The following WDR7 variants were observed in gnomAD, a reference collection of about 807,000 sequenced individuals.
WDR7 encodes the protein WD repeat-containing protein 7.
A neutral mutation model predicts 169.4 loss-of-function variants in WDR7; 46 were observed. The ratio of observed to expected loss-of-function variants is 0.27; its 90% CI spans 0.21 to 0.35. The LOEUF (loss-of-function observed/expected upper bound fraction) is 0.35, where lower values mean the gene tolerates loss of function less well. Among genes scored for constraint, WDR7 ranks in the 10% least tolerant of loss-of-function variants. The pLI is 1.00. For synonymous variants in WDR7, 612 were observed against 666.8 expected (o/e 0.92, Z 1.27); for missense variants, 1,534 against 1,859.3 (o/e 0.83, Z 3.22).
intron 12 of WDR7, chr18:56,700,013 C>A (rs987311404): frequency 2.4e-6 from 1 of 414,020 alleles, no homozygotes; most frequent in Non-Finnish European, 3.3e-6. Flanking sequence ...TAGAGATTAG[C>A]ATTAATTTAG....
At chr18:56,686,122 A>T in intron 6 of WDR7, 90 bp downstream of exon 6, 1 of 1,060,800 alleles carries the variant, frequency 9.4e-7, no homozygotes, top group Admixed American at 2.9e-5. Context: ...ATTTTTTTTA[A>T]GGGGGAAGGA....
At chr18:57,024,727 T>A (rs60729376) in intron 27 of WDR7, among the ~76,000 whole-genome samples, 4 of 144,160 alleles carry the variant, frequency 2.8e-5, no homozygotes, top group African/African-American at 8.2e-5. Context: ...GGATTTCACA[T>A]ATCCCTATTC....
At chr18:57,022,820 C>A (rs1450554101) in intron 27 of WDR7, among the ~76,000 whole-genome samples, 1 of 152,146 alleles carries the variant, frequency 6.6e-6, no homozygotes, top group Non-Finnish European at 1.5e-5. Context: ...TTTTGTCTTC[C>A]AGTTCCTCTC....
At chr18:56,784,473 CTG>C in intron 19 of WDR7, among the ~76,000 whole-genome samples, 1 of 152,260 alleles carries the variant, frequency 6.6e-6, no homozygotes, top group South Asian at 2.1e-4. Flanking sequence ...TTATATCACT[CTG>C]TGTGACTTTG....
intron 13 of WDR7, among the ~76,000 whole-genome samples, chr18:56,724,460 C>T (rs1454299833): frequency 6.6e-6 from 1 of 151,896 alleles, no homozygotes; most frequent in Non-Finnish European, 1.5e-5. Context: ...GATCCACCTG[C>T]CTTGGCCTCC....
intron 25 of WDR7, among the ~76,000 whole-genome samples, chr18:56,944,993 CATTG>C (rs1441203827): frequency 1.3e-5 from 2 of 152,102 alleles, no homozygotes; most frequent in Non-Finnish European, 2.9e-5. Context: ...TCTTATTCAT[CATTG>C]ATTATTTTTT....
At chr18:56,965,358 G>T (rs2047394199) in intron 26 of WDR7, among the ~76,000 whole-genome samples, 1 of 151,730 alleles carries the variant, frequency 6.6e-6, no homozygotes, top group Non-Finnish European at 1.5e-5. Flanking sequence ...TATGTCCCCT[G>T]TTGTCATTGT....
chr18:56,872,813 A>G (rs1177849952), intron 20 of WDR7: 2 of 152,174 alleles, frequency 1.3e-5, no homozygotes, highest in African/African-American at 4.8e-5. Context: ...GAAAAAAAAT[A>G]CCAAATTTTC....
chr18:56,695,653 C>A (rs1424329836), intron 11 of WDR7, among the ~76,000 whole-genome samples: 2 of 151,794 alleles, frequency 1.3e-5, no homozygotes, highest in Non-Finnish European at 2.9e-5. Flanking sequence ...TTCTCCTGCA[C>A]AGCCCCCCAA....
intron 14 of WDR7, among the ~76,000 whole-genome samples, chr18:56,751,142 T>TAAG (rs1406127969): frequency 6.6e-6 from 1 of 152,122 alleles, no homozygotes; most frequent in African/African-American, 2.4e-5. Flanking sequence ...TAAGAAGCTC[T>TAAG]AATAAGAGGA....
chr18:56,848,373 C>T (rs978921346), intron 20 of WDR7, among the ~76,000 whole-genome samples: 3 of 152,120 alleles, frequency 2.0e-5, no homozygotes, highest in African/African-American at 7.2e-5. Flanking sequence ...TTCACAGGCT[C>T]ATAGGTAGAA....
intron 20 of WDR7, among the ~76,000 whole-genome samples, chr18:56,826,494 A>G (rs2045206429): frequency 6.6e-6 from 1 of 152,216 alleles, no homozygotes; most frequent in African/African-American, 2.4e-5. Flanking sequence ...TCTTGGTTTC[A>G]AGTCACTTGC....
chr18:56,701,170 T>C (rs915023083), intron 12 of WDR7, among the ~76,000 whole-genome samples: 2 of 152,210 alleles, frequency 1.3e-5, no homozygotes, highest in African/African-American at 4.8e-5. Context: ...AGGCAGACTA[T>C]AAATCACAAA....
At chr18:56,817,134 C>A (rs2044986765) in intron 20 of WDR7, among the ~76,000 whole-genome samples, 1 of 151,992 alleles carries the variant, frequency 6.6e-6, no homozygotes, top group Non-Finnish European at 1.5e-5. Flanking sequence ...CACCTGAGGT[C>A]AGGAGTTTGA....
intron 26 of WDR7, among the ~76,000 whole-genome samples, chr18:56,987,133 G>A (rs1187268133): frequency 6.6e-6 from 1 of 151,892 alleles, no homozygotes; most frequent in Non-Finnish European, 1.5e-5. Context: ...CCACCTGATG[G>A]TTTTTGATAG....
chr18:56,776,244 G>A lies in WDR7; in HGVS notation c.2849-538G>A, dbSNP rs560010135. Reference sequence around the variant, plus strand: ...ATTCTTTTAACAAGAGTTAAACATGGTATATATATTCTTTGCAAGTTGGGA... The same window carrying A: ...ATTCTTTTAACAAGAGTTAAACATGATATATATATTCTTTGCAAGTTGGGA... On this transcript the variant is annotated intron_variant, in intron 16 of 27. Transcript: ENST00000254442. 4.6e-5 allele frequency among the ~76,000 whole-genome samples: 7 copies of A among 151,568 alleles called. No homozygotes were observed. The South Asian group carries it at 6.3e-4, about 14-fold the overall frequency.
intron 26 of WDR7, among the ~76,000 whole-genome samples, chr18:57,008,824 C>T (rs1461679460): frequency 6.6e-6 from 1 of 152,198 alleles, no homozygotes; most frequent in African/African-American, 2.4e-5. Flanking sequence ...GGGGTCCTAT[C>T]TCATCTTTAT....
chr18:56,968,725 C>G (rs763643529), intron 26 of WDR7, among the ~76,000 whole-genome samples: 20 of 152,174 alleles, frequency 1.3e-4, no homozygotes, highest in Non-Finnish European at 2.1e-4. Flanking sequence ...CCCACACCTT[C>G]TAGCTTCCAC....
intron 26 of WDR7, among the ~76,000 whole-genome samples, chr18:56,993,225 A>G (rs991330044): frequency 3.9e-5 from 6 of 152,226 alleles, no homozygotes; most frequent in Non-Finnish European, 7.3e-5. Flanking sequence ...TTAAATATGC[A>G]TCTATGAACT....
Sources: gnomAD v4.1 joint callset for allele counts (sites outside exome capture counted in the v4.1 genomes callset) on GRCh38, gnomAD v4.1.1 for gene constraint, MANE v1.5 for transcripts, NCBI Gene and HGNC (gene_info 2026-07-23, HGNC 2026-07-21) for gene names.